Variants in NFE2L3 observed in about 807,000 individuals in gnomAD.
The protein encoded by NFE2L3 is nuclear factor erythroid 2-related factor 3.
In NFE2L3, 18 loss-of-function variants were observed where a neutral mutation model predicts 23.5. That is an observed-to-expected ratio of 0.77 (90% CI 0.53 to 1.13). NFE2L3 has a LOEUF of 1.13. Ranked by LOEUF, NFE2L3 falls within the 50% of genes most tolerant of loss-of-function variation. NFE2L3 has a pLI of 0.00. For missense variants in NFE2L3, 1,152 were observed against 877.2 expected, an observed-to-expected ratio of 1.31 and a Z score of -3.96; for synonymous variants, 424 against 354.5, an observed-to-expected ratio of 1.20 and a Z score of -2.20.
chr7:26,154,403 G>T (rs2128096871), intron 1 of NFE2L3, among the ~76,000 whole-genome samples: 1 of 152,326 alleles, frequency 6.6e-6, no homozygotes, highest in South Asian at 2.1e-4. Flanking sequence ...TGCTGTACCA[G>T]ATGGCACTCT....
chr7:26,156,305 C>T (rs915664586), intron 1 of NFE2L3, among the ~76,000 whole-genome samples: 4 of 152,090 alleles, frequency 2.6e-5, no homozygotes, highest in Non-Finnish European at 4.4e-5. Flanking sequence ...TTCAAAGAGA[C>T]GAAGTGCTTT....
intron 1 of NFE2L3, among the ~76,000 whole-genome samples, chr7:26,164,877 G>A (rs938539815): frequency 6.6e-6 from 1 of 152,122 alleles, no homozygotes; most frequent in Non-Finnish European, 1.5e-5. Flanking sequence ...TCTACATATG[G>A]CTAGCCAGTT....
In NFE2L3 at chr7:26,183,684, T is replaced by C. The variant is rs772213023; in HGVS notation, c.751-17T>C. Reference sequence around the variant, plus strand: ...AGTCTTTTATGTGAAAGATGCACTTTTTGTGTTTCTCTACAGAGACATCTG... The same window carrying C: ...AGTCTTTTATGTGAAAGATGCACTTCTTGTGTTTCTCTACAGAGACATCTG... On this transcript the variant is annotated splice_polypyrimidine_tract_variant and intron_variant, in intron 2 of 3. Coordinates refer to ENST00000056233, the MANE Select transcript of NFE2L3 (RefSeq NM_004289.7). 2 of 1,547,248 alleles carry C rather than the reference T, an allele frequency of 1.3e-6. No individual in the cohort carries two copies. The highest frequency in any genetic ancestry group is 1.8e-6 in the Non-Finnish European group (2 of 1,119,334).
At chr7:26,153,150 G>A in intron 1 of NFE2L3, 82 bp downstream of exon 1, 1 of 1,341,352 alleles carries the variant, frequency 7.5e-7, no homozygotes, top group Non-Finnish European at 9.8e-7. Context: ...TCTGAGCAGG[G>A]GCCACTCTCG....
intron 1 of NFE2L3, among the ~76,000 whole-genome samples, chr7:26,176,359 C>T (rs543152253): frequency 1.2e-4 from 18 of 152,280 alleles, no homozygotes; most frequent in South Asian, 2.1e-4. Context: ...GGCCCATTCT[C>T]GATGGTCACT....
intron 1 of NFE2L3, among the ~76,000 whole-genome samples, chr7:26,175,778 C>CAAA (rs766870480): frequency 6.5e-4 from 52 of 80,378 alleles, no homozygotes; most frequent in Non-Finnish European, 5.6e-4. Context: ...GACTCTGTCT[C>CAAA]AAAAAAAAAA....
chr7:26,176,476 CCGGG>C (rs1212829070), intron 1 of NFE2L3, among the ~76,000 whole-genome samples: 23 of 128,866 alleles, frequency 1.8e-4, no homozygotes, highest in African/African-American at 6.7e-4. Context: ...GACGGGGCGG[CCGGG>C]CAGAGGCGCT....
At chr7:26,157,224 C>A (rs957039724) in intron 1 of NFE2L3, among the ~76,000 whole-genome samples, 13 of 152,174 alleles carry the variant, frequency 8.5e-5, no homozygotes, top group African/African-American at 2.4e-4. Flanking sequence ...GCCTCCCAGG[C>A]TGGAGTATAG....
Position 26,185,734 on chromosome 7 carries a change from T to G in NFE2L3, c.2036T>G (p.Leu679Arg). ...AGTATCTTGATAGTACCCAAAGAAC[T>G]GGTGGCCTCAGGCCACAAAAAGGAA... ...DGSILIVPKE[L>R]VASGHKKETQ... The change falls in exon 4 of 4, where the codon CTG becomes CGG. Residue 679 changes from leucine (L) to arginine (R), a missense_variant. Physicochemically the swap from Leu to Arg is moderately radical, Grantham distance 102 (BLOSUM62 -2). Transcript: ENST00000056233. 1 of 1,602,334 alleles carries G rather than the reference T, an allele frequency of 6.2e-7. No homozygotes were observed. The highest frequency in any genetic ancestry group is 8.5e-7 in the Non-Finnish European group (1 of 1,177,044).
intron 3 of NFE2L3, chr7:26,184,132 C>T (rs879396965): frequency 4.1e-5 from 14 of 337,508 alleles, no homozygotes; most frequent in Admixed American, 1.4e-4. Context: ...GTAGTTTTAG[C>T]GCTTAGAGGC....
In NFE2L3 at chr7:26,185,402, A is replaced by G. The variant is rs186105486; in HGVS notation, c.1704A>G (p.Arg568=). Residue 568 remains arginine, a synonymous_variant, in exon 4 of 4, where the codon AGA becomes AGG. Transcript: ENST00000056233. ...PVDSFNSMLS[R]YYLTDLQVSL... is the part of the protein sequence containing the mutation. ...ATTCTTTCAATAGCATGTTAAGTAG[A>G]TATTATCTGACAGACCTACAAGTCT... 5.6e-6 allele frequency: 9 copies of G among 1,614,024 alleles called. No homozygotes were observed. Among genetic ancestry groups the G allele is most frequent in the African/African-American group, 2.7e-5 (2 of 74,934 alleles).
At chr7:26,162,063 A>T (rs1461114136) in intron 1 of NFE2L3, among the ~76,000 whole-genome samples, 2 of 151,860 alleles carry the variant, frequency 1.3e-5, no homozygotes, top group African/African-American at 4.8e-5. Flanking sequence ...GAATCGCTTG[A>T]ACCCGGGAGG....
At position 26,185,700 on chromosome 7, in the gene NFE2L3, C is replaced by T. The variant is rs1484829829; in HGVS notation, c.2002C>T (p.His668Tyr). The T allele has an allele frequency of 1.9e-6, 3 of 1,613,570 alleles. No individual in the cohort carries two copies. Among genetic ancestry groups the T allele is most frequent in the Non-Finnish European group, 1.7e-6 (2 of 1,179,722 alleles). The change falls in exon 4 of 4, where the codon CAT becomes TAT. Residue 668 changes from histidine (H) to tyrosine (Y), a missense_variant. By Grantham distance (83) the His-to-Tyr change is moderately conservative. Transcript: ENST00000056233. ...NPNHYALQCT[H>Y]DGSILIVPKE... ...CAACCACTATGCTCTCCAGTGTACC[C>T]ATGATGGAAGTATCTTGATAGTACC...
intron 2 of NFE2L3, among the ~76,000 whole-genome samples, chr7:26,183,221 T>G (rs1478951625): frequency 6.6e-6 from 1 of 151,736 alleles, no homozygotes; most frequent in Non-Finnish European, 1.5e-5. Flanking sequence ...CTTTGGACTT[T>G]TAAGTATGCA....
intron 2 of NFE2L3, among the ~76,000 whole-genome samples, chr7:26,180,965 CT>C (rs112896552): frequency 2.3e-3 from 341 of 145,726 alleles, no homozygotes; most frequent in Middle Eastern, 0.018. Context: ...GTACTTAACA[CT>C]TTTTTTTTTT....
chr7:26,181,492 G>C (rs1320933129), intron 2 of NFE2L3, among the ~76,000 whole-genome samples: 1 of 152,042 alleles, frequency 6.6e-6, no homozygotes, highest in African/African-American at 2.4e-5. Flanking sequence ...ACCCCAGTGG[G>C]GGCCCCAAAG....
chr7:26,155,704 G>T (rs1784071945), intron 1 of NFE2L3, among the ~76,000 whole-genome samples: 1 of 152,162 alleles, frequency 6.6e-6, no homozygotes, highest in Non-Finnish European at 1.5e-5. Flanking sequence ...TAATGAAGAG[G>T]TTGCAATTTG....
At chr7:26,163,456 C>T (rs532433077) in intron 1 of NFE2L3, among the ~76,000 whole-genome samples, 5 of 152,294 alleles carry the variant, frequency 3.3e-5, no homozygotes, top group South Asian at 2.1e-4. Flanking sequence ...AAGCAATTCT[C>T]CTGCCTCAGC....
chr7:26,163,210 G>A (rs1231430661), intron 1 of NFE2L3, among the ~76,000 whole-genome samples: 1 of 152,054 alleles, frequency 6.6e-6, no homozygotes, highest in Non-Finnish European at 1.5e-5. Flanking sequence ...ACCAAGCATT[G>A]TTCCTTTCTT....
Sources: allele counts gnomAD v4.1 joint callset (sites outside exome capture counted in the v4.1 genomes callset), GRCh38; gene constraint gnomAD v4.1.1; transcripts MANE v1.5; gene names NCBI Gene and HGNC (gene_info 2026-07-23, HGNC 2026-07-21).